DSCAM: variants seen among roughly 807,000 people sequenced by gnomAD.
The protein encoded by DSCAM is DS cell adhesion molecule.
In DSCAM, 47 loss-of-function variants were observed where a neutral mutation model predicts 217.7. The ratio of observed to expected loss-of-function variants is 0.22; its 90% CI spans 0.17 to 0.28. The LOEUF is 0.28. Ranked by LOEUF, DSCAM falls within the 10% of genes least tolerant of loss-of-function variation. DSCAM has a pLI of 1.00. For missense variants in DSCAM, 2,080 were observed against 2,618.3 expected, an observed-to-expected ratio of 0.79 and a Z score of 4.49; for synonymous variants, 1,056 against 1,015.3, an observed-to-expected ratio of 1.04 and a Z score of -0.76.
rs1407596687 is a variant in DSCAM, at chr21:40,101,525, GATC to G, written c.3697-7654_3697-7652del. 3.3e-5 allele frequency among the ~76,000 whole-genome samples: 5 copies of G among 152,118 alleles called. No homozygotes were observed. The South Asian group carries it at 1.0e-3, about 32-fold the overall frequency. ...CTTGGGATGAAACTGTTTCACCTCA[GATC>G]ATCAGGCATTAGTTGGATTCCCATA... is the stretch of plus-strand genomic sequence containing the variant. On this transcript the variant is annotated intron_variant, in intron 20 of 32. Transcript: ENST00000400454.
At chr21:40,494,324 T>C (rs1032815058) in intron 3 of DSCAM, among the ~76,000 whole-genome samples, 1 of 152,150 alleles carries the variant, frequency 6.6e-6, no homozygotes, top group East Asian at 1.9e-4. Context: ...ACTTCAGATT[T>C]AAGGACATGC....
At chr21:40,104,179 A>C (rs1205041442) in intron 20 of DSCAM, among the ~76,000 whole-genome samples, 2 of 152,026 alleles carry the variant, frequency 1.3e-5, no homozygotes, top group African/African-American at 4.8e-5. Context: ...AAAATTATCT[A>C]TCTGTCAAAG....
chr21:40,153,397 G>GT (rs1409406828), intron 16 of DSCAM, among the ~76,000 whole-genome samples: 1 of 152,160 alleles, frequency 6.6e-6, no homozygotes, highest in Admixed American at 6.5e-5. Context: ...GAGCTAAAGG[G>GT]TGACTGGACA....
chr21:40,554,421 G>A (rs1171590150), intron 3 of DSCAM, among the ~76,000 whole-genome samples: 1 of 152,078 alleles, frequency 6.6e-6, no homozygotes, highest in Non-Finnish European at 1.5e-5. Flanking sequence ...CAGTACCATG[G>A]GGAAAGTTCT....
intron 9 of DSCAM, among the ~76,000 whole-genome samples, chr21:40,302,008 T>C (rs2074022009): frequency 6.6e-6 from 1 of 152,136 alleles, no homozygotes; most frequent in African/African-American, 2.4e-5. Flanking sequence ...GGGCCAAAAC[T>C]TATGACAGAA....
At chr21:40,552,425 A>C (rs1318473205) in intron 3 of DSCAM, among the ~76,000 whole-genome samples, 2 of 152,228 alleles carry the variant, frequency 1.3e-5, no homozygotes, top group Non-Finnish European at 2.9e-5. Context: ...TGCATTTCTC[A>C]AATCTGATTC....
rs192811034 is a variant in DSCAM, at chr21:40,774,927, A to C, written c.44-66156T>G. ...ATTCAGTTATGCATTCATTCACTAC[A>C]TGGAGACTAAGGAATGAAAATGAGC... On this transcript the variant is annotated intron_variant, in intron 1 of 32. Transcript: ENST00000400454. 3.0e-4 allele frequency among the ~76,000 whole-genome samples: 46 copies of C among 152,082 alleles called. No individual in the cohort carries two copies. In the East Asian group the frequency reaches 8.6e-3, roughly 28 times the overall value.
intron 3 of DSCAM, among the ~76,000 whole-genome samples, chr21:40,419,760 C>G (rs1271800673): frequency 1.3e-5 from 2 of 152,120 alleles, no homozygotes; most frequent in Non-Finnish European, 2.9e-5. Flanking sequence ...AAAATCAATT[C>G]TATCATTGTC....
intron 3 of DSCAM, among the ~76,000 whole-genome samples, chr21:40,453,042 GTGTGTGT>G (rs1343162516): frequency 5.4e-5 from 1 of 18,454 alleles, no homozygotes; most frequent in Admixed American, 5.4e-4. Context: ...TAAAGACTTT[GTGTGTGT>G]GTGTGTGTGT....
At chr21:40,238,049 A>C (rs1397517744) in intron 11 of DSCAM, among the ~76,000 whole-genome samples, 3 of 152,180 alleles carry the variant, frequency 2.0e-5, no homozygotes, top group Admixed American at 2.0e-4. Context: ...GAGCTTGTGG[A>C]AGATTGGGAG....
chr21:40,270,706 C>T, intron 11 of DSCAM, among the ~76,000 whole-genome samples: 1 of 151,992 alleles, frequency 6.6e-6, no homozygotes, highest in East Asian at 1.9e-4. Flanking sequence ...GCCTGGGAAA[C>T]ATGTGGGGTT....
intron 3 of DSCAM, among the ~76,000 whole-genome samples, chr21:40,565,903 G>A (rs459374): frequency 0.22 from 33,822 of 151,998 alleles, 4,203 homozygotes; most frequent in African/African-American, 0.33. Flanking sequence ...AGGTCCCCCA[G>A]CATGAACGCA....
chr21:40,606,486 A>T (rs903331775), intron 3 of DSCAM, among the ~76,000 whole-genome samples: 1 of 152,242 alleles, frequency 6.6e-6, no homozygotes, highest in African/African-American at 2.4e-5. Context: ...GTCAAACACA[A>T]ATATTTGTCA....
intron 18 of DSCAM, among the ~76,000 whole-genome samples, chr21:40,134,695 T>G (rs1305226716): frequency 2.6e-5 from 4 of 152,212 alleles, no homozygotes; most frequent in African/African-American, 9.7e-5. Flanking sequence ...CGCTGTTAAT[T>G]TGCTTGATTG....
At chr21:40,156,990 A>T (rs550991819) in intron 16 of DSCAM, among the ~76,000 whole-genome samples, 3 of 152,260 alleles carry the variant, frequency 2.0e-5, no homozygotes, top group African/African-American at 4.8e-5. Flanking sequence ...CCAGGAAATA[A>T]GGGTTGACAA....
intron 14 of DSCAM, among the ~76,000 whole-genome samples, chr21:40,183,881 C>T (rs911181252): frequency 6.6e-6 from 1 of 152,130 alleles, no homozygotes; most frequent in Admixed American, 6.5e-5. Context: ...TTCACCGTTG[C>T]CTAAAACAGA....
At chr21:40,683,118 G>T (rs1163253507) in intron 3 of DSCAM, among the ~76,000 whole-genome samples, 1 of 152,152 alleles carries the variant, frequency 6.6e-6, no homozygotes, top group African/African-American at 2.4e-5. Context: ...TAGGCTCCAG[G>T]ACTATAAGGA....
chr21:40,374,964 G>T (rs2074935426), intron 3 of DSCAM, among the ~76,000 whole-genome samples: 1 of 152,160 alleles, frequency 6.6e-6, no homozygotes, highest in Admixed American at 6.5e-5. Flanking sequence ...ATTATCTTCA[G>T]AAGTCTTTTC....
At chr21:40,620,413 G>A (rs1453956274) in intron 3 of DSCAM, among the ~76,000 whole-genome samples, 1 of 142,978 alleles carries the variant, frequency 7.0e-6, no homozygotes, top group Non-Finnish European at 1.5e-5. Context: ...AGGAGGGAGG[G>A]AGGGAGAGAA....
Sources: allele counts gnomAD v4.1 joint callset (sites outside exome capture counted in the v4.1 genomes callset), GRCh38; gene constraint gnomAD v4.1.1; transcripts MANE v1.5; gene names NCBI Gene and HGNC (gene_info 2026-07-23, HGNC 2026-07-21).